The following DLGAP2 variants were observed in gnomAD, a reference collection of about 807,000 sequenced individuals.
DLGAP2 encodes the protein DLG associated protein 2, also known as disks large-associated protein 2.
DLGAP2 carries 26 observed loss-of-function variants against 100.3 expected under a neutral mutation model. The observed-to-expected ratio is 0.26, with a 90% CI of 0.19 to 0.36. The LOEUF (loss-of-function observed/expected upper bound fraction) is 0.36. Ranked by LOEUF, DLGAP2 falls within the 10% of genes least tolerant of loss-of-function variation. DLGAP2 has a pLI of 1.00. For missense variants in DLGAP2, 1,858 were observed against 1,453.2 expected (o/e 1.28, Z -4.53); for synonymous variants, 886 against 630.1 (o/e 1.41, Z -6.08).
chr8:800,678 A>G (rs1243925679), intron 1 of DLGAP2, among the ~76,000 whole-genome samples: 1 of 151,750 alleles, frequency 6.6e-6, no homozygotes, highest in Admixed American at 6.6e-5. Flanking sequence ...GTGTACATGT[A>G]TGTGTATGTG....
chr8:1,619,085 T>A (rs973412840), intron 6 of DLGAP2, among the ~76,000 whole-genome samples: 4 of 152,166 alleles, frequency 2.6e-5, no homozygotes, highest in African/African-American at 9.7e-5. Context: ...AGCCATAGAA[T>A]AAGGGAAATG....
At chr8:1,482,393 C>G (rs988026732) in intron 3 of DLGAP2, among the ~76,000 whole-genome samples, 1 of 152,232 alleles carries the variant, frequency 6.6e-6, no homozygotes, top group Non-Finnish European at 1.5e-5. Context: ...TGTCTTTACA[C>G]TAGAAACATA....
chr8:1,176,822 CA>C (rs1370360547), intron 2 of DLGAP2, among the ~76,000 whole-genome samples: 1 of 152,148 alleles, frequency 6.6e-6, no homozygotes, highest in Non-Finnish European at 1.5e-5. Flanking sequence ...CACATTCTCT[CA>C]ACACACCCTC....
rs1798637534 is a variant in DLGAP2, at chr8:1,235,670, GTTCTCTCACATGGCGCCATGTC to G, written c.74-23179_74-23158del. Among the ~76,000 whole-genome samples, 10 of 32,342 alleles carry G rather than the reference GTTCTCTCACATGGCGCCATGTC, an allele frequency of 3.1e-4. 4 individuals are homozygous for G. The highest frequency in any genetic ancestry group is 3.8e-4 in the African/African-American group (2 of 5,212). The allele number at this position is 32,342 out of a possible 152,430, so 21.2% of individuals were successfully genotyped here. A position where few individuals can be genotyped will look rare whatever the true frequency, so the allele number is the denominator to read the frequency against. On this transcript the variant is annotated intron_variant, in intron 2 of 14. Coordinates refer to ENST00000637795, the MANE Select transcript of DLGAP2 (RefSeq NM_001346810.2). Reference sequence around the variant, plus strand: ...TCTCTCACACAGAGCATCATGTCTAGTTCTCTCACATGGCGCCATGTCTAGTTCTCTCACATGGCGCCGTATC... The same window carrying G: ...TCTCTCACACAGAGCATCATGTCTAGTAGTTCTCTCACATGGCGCCGTATC...
At position 808,269 on chromosome 8, in the gene DLGAP2, G is replaced by A. The variant is rs560762789; in HGVS notation, c.18+70444G>A. On this transcript the variant is annotated intron_variant, in intron 1 of 14. Transcript: ENST00000637795. The stretch of plus-strand genomic sequence containing the variant: ...ATGACTTACATGTGCATGTAGCGGT[G>A]TTTGGTGCAGCTCCATCTCCAGGGG... Among the ~76,000 whole-genome samples the A allele has an allele frequency of 4.6e-5, 7 of 152,330 alleles. No homozygotes were observed. In the South Asian group the frequency reaches 1.4e-3, roughly 32 times the overall value.
intron 4 of DLGAP2, among the ~76,000 whole-genome samples, chr8:1,530,856 T>G (rs1800966237): frequency 6.6e-6 from 1 of 152,158 alleles, no homozygotes. Context: ...CAGAGGTAGG[T>G]GAAGACTTGG....
intron 2 of DLGAP2, among the ~76,000 whole-genome samples, chr8:1,167,065 G>T (rs995746326): frequency 6.6e-6 from 1 of 152,096 alleles, no homozygotes; most frequent in African/African-American, 2.4e-5. Flanking sequence ...GAGCCCGGGA[G>T]GTTGAGGCTG....
At chr8:1,098,832 C>T (rs570929015) in intron 2 of DLGAP2, among the ~76,000 whole-genome samples, 3 of 151,688 alleles carry the variant, frequency 2.0e-5, no homozygotes, top group Admixed American at 6.6e-5. Flanking sequence ...CGGCCGCGCA[C>T]GGACGCTGCG....
rs145809990 is a variant in DLGAP2 at position 1,322,720 on chromosome 8, A to G, written c.106+63837A>G. ...TTCACACATGTTGTTCCTTCAGCCTAAGATGATTCCCTGCGTTTCTTGCCC... is the reference window on the plus strand; with the variant it reads ...TTCACACATGTTGTTCCTTCAGCCTGAGATGATTCCCTGCGTTTCTTGCCC... On this transcript the variant is annotated intron_variant, in intron 3 of 14. Coordinates refer to ENST00000637795, the MANE Select transcript of DLGAP2 (RefSeq NM_001346810.2). Among the ~76,000 whole-genome samples, 66 of 152,358 alleles carry G rather than the reference A, an allele frequency of 4.3e-4. 2 individuals are homozygous for G. The highest frequency in any genetic ancestry group is 1.5e-3 in the African/African-American group (64 of 41,584).
intron 2 of DLGAP2, among the ~76,000 whole-genome samples, chr8:1,160,842 C>G (rs1015297084): frequency 1.3e-5 from 2 of 152,168 alleles, no homozygotes; most frequent in Non-Finnish European, 2.9e-5. Flanking sequence ...GATTCCGCCT[C>G]TAGTTTGACT....
At chr8:1,051,499 T>A (rs1339754112) in intron 2 of DLGAP2, among the ~76,000 whole-genome samples, 1 of 152,206 alleles carries the variant, frequency 6.6e-6, no homozygotes, top group Non-Finnish European at 1.5e-5. Flanking sequence ...TTGATGTTAA[T>A]ACCACTCAGC....
At chr8:1,137,040 G>A (rs1036631789) in intron 2 of DLGAP2, among the ~76,000 whole-genome samples, 2 of 152,198 alleles carry the variant, frequency 1.3e-5, no homozygotes, top group Non-Finnish European at 2.9e-5. Context: ...TCAAACAACA[G>A]GAACTTATGT....
At chr8:1,437,063 G>A (rs1453680401) in intron 3 of DLGAP2, among the ~76,000 whole-genome samples, 1 of 151,896 alleles carries the variant, frequency 6.6e-6, no homozygotes, top group Non-Finnish European at 1.5e-5. Flanking sequence ...CGCCATCCGG[G>A]TCTGCGTTCA....
intron 2 of DLGAP2, among the ~76,000 whole-genome samples, chr8:1,230,048 A>G (rs1179290579): frequency 1.3e-5 from 2 of 152,160 alleles, no homozygotes; most frequent in African/African-American, 2.4e-5. Context: ...AAGACATCCA[A>G]ATAATAAAAC....
chr8:1,148,995 T>G (rs1413523471), intron 2 of DLGAP2, among the ~76,000 whole-genome samples: 1 of 152,246 alleles, frequency 6.6e-6, no homozygotes, highest in Admixed American at 6.5e-5. Flanking sequence ...TTTATGTGCT[T>G]AATTGATCAG....
At chr8:1,542,148 G>A (rs1801383688) in intron 4 of DLGAP2, among the ~76,000 whole-genome samples, 1 of 152,232 alleles carries the variant, frequency 6.6e-6, no homozygotes, top group Non-Finnish European at 1.5e-5. Context: ...TCTAAAGCAA[G>A]TGAAGAAAAA....
chr8:1,195,056 C>CTGT (rs1797720143), intron 2 of DLGAP2, among the ~76,000 whole-genome samples: 3 of 152,252 alleles, frequency 2.0e-5, no homozygotes, highest in Non-Finnish European at 4.4e-5. Flanking sequence ...CAGAGGCGTC[C>CTGT]GCCCCAGCAT....
chr8:1,190,629 C>T (rs1020139121), intron 2 of DLGAP2, among the ~76,000 whole-genome samples: 8 of 152,120 alleles, frequency 5.3e-5, no homozygotes, highest in African/African-American at 1.9e-4. Flanking sequence ...GGTGACTGTG[C>T]GAGGTTGTGA....
chr8:1,432,631 A>G (rs566267001), intron 3 of DLGAP2, among the ~76,000 whole-genome samples: 6 of 152,146 alleles, frequency 3.9e-5, no homozygotes, highest in Non-Finnish European at 8.8e-5. Context: ...AATTGTAAAA[A>G]CACATTTGAC....
Sources: allele counts gnomAD v4.1 joint callset (sites outside exome capture counted in the v4.1 genomes callset), GRCh38; gene constraint gnomAD v4.1.1; transcripts MANE v1.5; gene names NCBI Gene and HGNC (gene_info 2026-07-23, HGNC 2026-07-21).